The following PLEKHF2 variants were observed in gnomAD, a reference collection of about 807,000 sequenced individuals.
PLEKHF2 encodes the protein pleckstrin homology and FYVE domain containing 2.
Under a neutral mutation model 14.7 loss-of-function variants are expected in PLEKHF2, and 4 were observed. The ratio of observed to expected loss-of-function variants is 0.27; its 90% CI spans 0.13 to 0.62. The LOEUF (loss-of-function observed/expected upper bound fraction) is 0.62, where lower values mean the gene tolerates loss of function less well. Among genes scored for constraint, PLEKHF2 ranks in the 20% least tolerant of loss-of-function variants. PLEKHF2 has a pLI of 0.85. For missense variants in PLEKHF2, 201 were observed against 307.7 expected, an observed-to-expected ratio of 0.65 and a Z score of 2.60; for synonymous variants, 90 against 103.5, an observed-to-expected ratio of 0.87 and a Z score of 0.79.
rs1054842223 is a variant in PLEKHF2, at chr8:95,135,832, A to G, written c.-15+1802A>G. On this transcript the variant is annotated intron_variant, in intron 1 of 1. Transcript: ENST00000315367. ...ATACATAACTCAGTCTTCTGGAGCAATCTGTCCATCTCGTTTGCTCTTATC... is the reference window on the plus strand; with the variant it reads ...ATACATAACTCAGTCTTCTGGAGCAGTCTGTCCATCTCGTTTGCTCTTATC... Among the ~76,000 whole-genome samples the G allele has an allele frequency of 1.6e-4, 24 of 152,244 alleles. 2 individuals carry two copies. Among genetic ancestry groups the G allele is most frequent in the East Asian group, 1.4e-3 (7 of 5,184 alleles).
At chr8:95,141,465 TTTTTCCCCCC>T (rs1301835654) in intron 1 of PLEKHF2, among the ~76,000 whole-genome samples, 3 of 152,150 alleles carry the variant, frequency 2.0e-5, no homozygotes, top group African/African-American at 7.2e-5. Context: ...TTTTGTGTTA[TTTTTCCCCCC>T]TTTTCCCACT....
intron 1 of PLEKHF2, among the ~76,000 whole-genome samples, chr8:95,143,541 C>G (rs1810460004): frequency 6.6e-6 from 1 of 152,094 alleles, no homozygotes; most frequent in African/African-American, 2.4e-5. Flanking sequence ...CAGGATATAC[C>G]CAGCCACAAT....
Position 95,156,289 on chromosome 8 carries a change from C to G in PLEKHF2, c.*1495C>G, listed in dbSNP as rs1273585400. 6.0e-6 allele frequency: 1 copy of G among 166,942 alleles called. No individual in the cohort carries two copies. The highest frequency in any genetic ancestry group is 2.4e-5 in the African/African-American group (1 of 41,412). The allele number at this position is 166,942 out of a possible 1,614,324, so 10.3% of individuals were successfully genotyped here. A position where few individuals can be genotyped will look rare whatever the true frequency, so the allele number is the denominator to read the frequency against. ...TGTCATGAGAAGTTTGATTCAGTAA[C>G]TTGTGATGGAGGATTCTTTGGTATC... On this transcript the variant is annotated 3_prime_UTR_variant, in exon 2 of 2. Coordinates refer to ENST00000315367, the MANE Select transcript of PLEKHF2 (RefSeq NM_024613.4).
chr8:95,151,994 GT>G (rs113854930), intron 1 of PLEKHF2, among the ~76,000 whole-genome samples: 85 of 152,092 alleles, frequency 5.6e-4, no homozygotes, highest in African/African-American at 1.8e-3. Context: ...TTTGAAATTG[GT>G]CTTATAATCA....
intron 1 of PLEKHF2, among the ~76,000 whole-genome samples, chr8:95,153,481 G>C (rs139544911): frequency 2.6e-5 from 4 of 152,180 alleles, no homozygotes; most frequent in African/African-American, 9.6e-5. Flanking sequence ...GCAATGATGG[G>C]GTCAAATTAG....
chr8:95,150,914 TA>T (rs2132110536), intron 1 of PLEKHF2, among the ~76,000 whole-genome samples: 1 of 152,256 alleles, frequency 6.6e-6, no homozygotes, highest in South Asian at 2.1e-4. Flanking sequence ...GCAAGTTATT[TA>T]ACCCCTCTTT....
In PLEKHF2 at chr8:95,154,159, G is replaced by A; in HGVS notation, c.115G>A (p.Glu39Lys). The change falls in exon 2 of 2, where the codon GAA becomes AAA. Residue 39 changes from glutamate to lysine, a missense_variant. Transcript: ENST00000315367. The surrounding 1 kb of genome is among the most constrained non-coding windows in gnomAD (Gnocchi z 5.6). ...LTIPGRVLIG[E>K]GVLTKLCRKK... Reference sequence around the variant, plus strand: ...TATACCTGGACGAGTTCTTATTGGAGAAGGAGTATTGACTAAGTTGTGCAG... The same window carrying A: ...TATACCTGGACGAGTTCTTATTGGAAAAGGAGTATTGACTAAGTTGTGCAG... 1 of 1,614,010 alleles carries A rather than the reference G, an allele frequency of 6.2e-7. No individual in the cohort carries two copies. The highest frequency in any genetic ancestry group is 8.5e-7 in the Non-Finnish European group (1 of 1,179,954).
chr8:95,151,279 TTG>T (rs1810560421), intron 1 of PLEKHF2, among the ~76,000 whole-genome samples: 1 of 152,002 alleles, frequency 6.6e-6, no homozygotes, highest in Admixed American at 6.6e-5. Flanking sequence ...GGAAATCTGT[TTG>T]TGTTGTATAT....
chr8:95,152,341 A>G (rs1810572484), intron 1 of PLEKHF2, among the ~76,000 whole-genome samples: 1 of 152,100 alleles, frequency 6.6e-6, no homozygotes, highest in Non-Finnish European at 1.5e-5. Flanking sequence ...TATGCACGTG[A>G]GTGAAATTTA....
chr8:95,147,355 A>G (rs1282285260), intron 1 of PLEKHF2, among the ~76,000 whole-genome samples: 13 of 152,010 alleles, frequency 8.6e-5, no homozygotes, highest in Non-Finnish European at 1.9e-4. Flanking sequence ...GATATTTATC[A>G]GCAGAGTTCA....
intron 1 of PLEKHF2, among the ~76,000 whole-genome samples, chr8:95,142,849 G>A (rs1228651651): frequency 6.6e-6 from 1 of 152,176 alleles, no homozygotes; most frequent in Non-Finnish European, 1.5e-5. Context: ...ACATTTGCTT[G>A]TAAATTTAAA....
chr8:95,149,951 C>T (rs1322001211), intron 1 of PLEKHF2, among the ~76,000 whole-genome samples: 1 of 152,098 alleles, frequency 6.6e-6, no homozygotes, highest in Non-Finnish European at 1.5e-5. Flanking sequence ...TGGGGCACCT[C>T]AGTGTGCTGG....
At chr8:95,136,097 G>C (rs1393828887) in intron 1 of PLEKHF2, among the ~76,000 whole-genome samples, 1 of 152,108 alleles carries the variant, frequency 6.6e-6, no homozygotes, top group Non-Finnish European at 1.5e-5. Context: ...CTTGACAGCA[G>C]GCAACACATC....
chr8:95,150,307 G>A (rs1810541925), intron 1 of PLEKHF2, among the ~76,000 whole-genome samples: 1 of 152,070 alleles, frequency 6.6e-6, no homozygotes. Flanking sequence ...AAAGGATAAT[G>A]GAAGAGGCTG....
intron 1 of PLEKHF2, among the ~76,000 whole-genome samples, chr8:95,149,738 C>T (rs1223852817): frequency 1.3e-5 from 2 of 152,104 alleles, no homozygotes; most frequent in Admixed American, 6.6e-5. Flanking sequence ...TGCAAGGGGA[C>T]GGGAAAGCTT....
Position 95,154,181 on chromosome 8 carries a change from G to T in PLEKHF2, c.137G>T (p.Cys46Phe), listed in dbSNP as rs759200655. ...GGAGAAGGAGTATTGACTAAGTTGTGCAGGAAAAAGCCCAAAGCAAGGCAG... is the reference window on the plus strand; with the variant it reads ...GGAGAAGGAGTATTGACTAAGTTGTTCAGGAAAAAGCCCAAAGCAAGGCAG... ...LIGEGVLTKLCRKKPKARQFF... is the reference protein window; with the variant it reads ...LIGEGVLTKLFRKKPKARQFF... Residue 46 changes from cysteine (C) to phenylalanine (F), a missense_variant, in exon 2 of 2, where the codon TGC becomes TTC. Physicochemically the swap from Cys to Phe is radical, Grantham distance 205. Coordinates refer to ENST00000315367, the MANE Select transcript of PLEKHF2 (RefSeq NM_024613.4). This position sits in a 1 kb window ranked among gnomAD's most constrained non-coding sequence, Gnocchi z 5.6. 3 of 1,613,946 alleles carry T rather than the reference G, an allele frequency of 1.9e-6. No individual in the cohort carries two copies. Among genetic ancestry groups the T allele is most frequent in the Non-Finnish European group, 1.7e-6 (2 of 1,179,948 alleles).
intron 1 of PLEKHF2, among the ~76,000 whole-genome samples, chr8:95,144,029 TTTTTTTTCTTTTTC>T (rs1201163528): frequency 6.6e-6 from 1 of 152,160 alleles, no homozygotes; most frequent in Non-Finnish European, 1.5e-5. Context: ...GTGTGTGATT[TTTTTTTTCTTTTTC>T]TTTTTTTCTT....
At chr8:95,134,376 C>T (rs1327695651) in intron 1 of PLEKHF2, 2 of 151,716 alleles carry the variant, frequency 1.3e-5, no homozygotes, top group Non-Finnish European at 2.9e-5. Context: ...CCGGCGGACG[C>T]GGGAAGGAGC....
intron 1 of PLEKHF2, among the ~76,000 whole-genome samples, chr8:95,136,576 G>A (rs1416887901): frequency 6.6e-6 from 1 of 152,092 alleles, no homozygotes; most frequent in Non-Finnish European, 1.5e-5. Context: ...TGAACTTGAT[G>A]GAAATATTGT....
Sources: gnomAD v4.1 joint callset for allele counts (sites outside exome capture counted in the v4.1 genomes callset) on GRCh38, gnomAD v4.1.1 for gene constraint, Gnocchi (gnomAD v3.1) non-coding constraint, MANE v1.5 for transcripts, NCBI Gene and HGNC (gene_info 2026-07-23, HGNC 2026-07-21) for gene names.